Variants in TSPAN5 observed in about 807,000 individuals in gnomAD.
The protein encoded by TSPAN5 is tetraspanin 5.
A neutral mutation model predicts 37.1 loss-of-function variants in TSPAN5; 10 were observed. The observed-to-expected ratio is 0.27, with a 90% CI of 0.17 to 0.46. The LOEUF (loss-of-function observed/expected upper bound fraction) is 0.46. TSPAN5 is among the 20% of genes least tolerant of loss of function. The pLI, the probability that TSPAN5 is intolerant of heterozygous loss-of-function variation, is 1.00. For missense variants in TSPAN5, 195 were observed against 326.6 expected (o/e 0.60, Z 3.11); for synonymous variants, 110 against 118.9 (o/e 0.93, Z 0.48).
chr4:98,556,001 ACACACGTGCACAG>A (rs1293448113), intron 1 of TSPAN5, among the ~76,000 whole-genome samples: 1 of 133,238 alleles, frequency 7.5e-6, no homozygotes, highest in Non-Finnish European at 1.5e-5. Context: ...GTGCGCACAC[ACACACGTGCACAG>A]CACACACCCC....
At chr4:98,582,944 C>T (rs1042281578) in intron 1 of TSPAN5, among the ~76,000 whole-genome samples, 1 of 152,094 alleles carries the variant, frequency 6.6e-6, no homozygotes, top group African/African-American at 2.4e-5. Context: ...CTTTGTCAGA[C>T]AAAAAGCAAA....
intron 2 of TSPAN5, among the ~76,000 whole-genome samples, chr4:98,505,306 T>G (rs2110284008): frequency 6.6e-6 from 1 of 152,286 alleles, no homozygotes; most frequent in Admixed American, 6.5e-5. Context: ...CCAAACTTCT[T>G]GCAGGACTCT....
At chr4:98,533,538 T>C (rs746774700) in intron 1 of TSPAN5, among the ~76,000 whole-genome samples, 116 of 129,780 alleles carry the variant, frequency 8.9e-4, no homozygotes, top group Non-Finnish European at 1.4e-3. Context: ...TGATATCCCC[T>C]ATATCTTTTT....
chr4:98,542,383 T>A (rs1371473048), intron 1 of TSPAN5, among the ~76,000 whole-genome samples: 3 of 152,206 alleles, frequency 2.0e-5, no homozygotes, highest in Non-Finnish European at 4.4e-5. Flanking sequence ...CAAGAAATAG[T>A]TGTTTCTGTA....
chr4:98,474,162 T>C (rs1405774494), intron 7 of TSPAN5, among the ~76,000 whole-genome samples: 1 of 152,366 alleles, frequency 6.6e-6, no homozygotes, highest in East Asian at 1.9e-4. Context: ...TCTGGAGTTC[T>C]ATAGCATTAG....
intron 1 of TSPAN5, among the ~76,000 whole-genome samples, chr4:98,609,162 C>T (rs936085248): frequency 6.6e-6 from 1 of 152,086 alleles, no homozygotes; most frequent in Admixed American, 6.5e-5. Context: ...ACCACTAGAC[C>T]AAGATTTTCA....
intron 1 of TSPAN5, among the ~76,000 whole-genome samples, chr4:98,652,337 A>G (rs532243285): frequency 6.6e-6 from 1 of 152,378 alleles, no homozygotes; most frequent in African/African-American, 2.4e-5. Context: ...ATGTGATTCA[A>G]GAATGCTGTC....
At chr4:98,483,518 C>T (rs1480844736) in intron 3 of TSPAN5, 2 of 152,190 alleles carry the variant, frequency 1.3e-5, no homozygotes, top group Non-Finnish European at 2.9e-5. Flanking sequence ...GAAGATGTCC[C>T]AGTCTTATGT....
chr4:98,551,719 C>T (rs1754622832), intron 1 of TSPAN5, among the ~76,000 whole-genome samples: 1 of 148,548 alleles, frequency 6.7e-6, no homozygotes, highest in African/African-American at 2.5e-5. Flanking sequence ...CCAGGATAGT[C>T]TCGATCTCCT....
At chr4:98,586,476 G>A (rs1185822577) in intron 1 of TSPAN5, among the ~76,000 whole-genome samples, 3 of 152,090 alleles carry the variant, frequency 2.0e-5, no homozygotes, top group African/African-American at 7.2e-5. Context: ...GGCACAAATA[G>A]GTCTAGCACA....
In TSPAN5 at chr4:98,531,674, CCCA is replaced by C. The variant is rs1217920838; in HGVS notation, c.82-23949_82-23947del. Among the ~76,000 whole-genome samples, 3 of 152,312 alleles carry C rather than the reference CCCA, an allele frequency of 2.0e-5. No homozygotes were observed. In the East Asian group the frequency reaches 5.8e-4, roughly 29 times the overall value. On this transcript the variant is annotated intron_variant, in intron 1 of 7. Coordinates refer to ENST00000305798, the MANE Select transcript of TSPAN5 (RefSeq NM_005723.4). ...CACAGTAGTTGAACTAATTTACACT[CCCA>C]CCAACAGTGTAAAAGCATTCCTGTT...
chr4:98,524,592 T>C (rs1457396964), intron 1 of TSPAN5, among the ~76,000 whole-genome samples: 1 of 152,092 alleles, frequency 6.6e-6, no homozygotes, highest in Non-Finnish European at 1.5e-5. Flanking sequence ...AACACTTAAA[T>C]ATTGAAGGAA....
intron 1 of TSPAN5, among the ~76,000 whole-genome samples, chr4:98,624,951 GA>G (rs1756562735): frequency 6.6e-6 from 1 of 152,108 alleles, no homozygotes; most frequent in Non-Finnish European, 1.5e-5. Flanking sequence ...CGTATTTTTA[GA>G]CACAACCAAT....
intron 1 of TSPAN5, among the ~76,000 whole-genome samples, chr4:98,637,270 G>T (rs1756876534): frequency 6.6e-6 from 1 of 152,280 alleles, no homozygotes; most frequent in East Asian, 1.9e-4. Context: ...ACATTCCAGG[G>T]AATTGTGCAG....
At chr4:98,532,024 T>A (rs985023260) in intron 1 of TSPAN5, among the ~76,000 whole-genome samples, 1 of 152,220 alleles carries the variant, frequency 6.6e-6, no homozygotes, top group Non-Finnish European at 1.5e-5. Flanking sequence ...TTCACTCTGA[T>A]GATAGTTTCT....
chr4:98,658,521 G>C lies in TSPAN5; in HGVS notation c.-295C>G, dbSNP rs1287618537. The C allele has an allele frequency of 5.0e-6, 1 of 200,792 alleles. No individual in the cohort carries two copies. Among genetic ancestry groups the C allele is most frequent in the East Asian group, 1.1e-4 (1 of 8,752 alleles). 12.4% of individuals were successfully genotyped at this position (200,792 alleles called of 1,614,324 possible). On this transcript the variant is annotated 5_prime_UTR_variant, in exon 1 of 8. Coordinates refer to ENST00000305798, the MANE Select transcript of TSPAN5 (RefSeq NM_005723.4). ...CCCCGAACACAAAGCGAGCGCCCGC[G>C]TCCGTGCGCCAGGCGGTCGGTCCGT...
chr4:98,501,297 T>C (rs983005541), intron 2 of TSPAN5, among the ~76,000 whole-genome samples: 2 of 152,230 alleles, frequency 1.3e-5, no homozygotes, highest in African/African-American at 4.8e-5. Flanking sequence ...TATAGTATGC[T>C]TACTGGAGAT....
chr4:98,592,046 T>C (rs1755646466), intron 1 of TSPAN5, among the ~76,000 whole-genome samples: 1 of 152,060 alleles, frequency 6.6e-6, no homozygotes, highest in African/African-American at 2.4e-5. Flanking sequence ...GAAATTGACC[T>C]ACACACATAT....
intron 1 of TSPAN5, among the ~76,000 whole-genome samples, chr4:98,525,085 C>G (rs952953378): frequency 1.3e-5 from 2 of 152,122 alleles, no homozygotes; most frequent in Admixed American, 1.3e-4. Flanking sequence ...GGGAAAGAAA[C>G]AGCTTTCCTA....
Sources: gnomAD v4.1 joint callset for allele counts (sites outside exome capture counted in the v4.1 genomes callset) on GRCh38, gnomAD v4.1.1 for gene constraint, MANE v1.5 for transcripts, NCBI Gene and HGNC (gene_info 2026-07-23, HGNC 2026-07-21) for gene names.